The following PAX7 variants were observed in gnomAD, a reference collection of about 807,000 sequenced individuals.
The protein encoded by PAX7 is paired box 7.
PAX7 carries 18 observed loss-of-function variants against 50.7 expected under a neutral mutation model. That is an observed-to-expected ratio of 0.36 (90% CI 0.25 to 0.53). The LOEUF is 0.53. PAX7 is among the 20% of genes least tolerant of loss of function. The probability of loss-of-function intolerance (pLI) is 0.93; values close to 1 mark genes in which losing one functional copy is unlikely to be tolerated. For missense variants in PAX7, 644 were observed against 702.9 expected (o/e 0.92, Z 0.95); for synonymous variants, 310 against 290.4 (o/e 1.07, Z -0.69).
chr1:18,663,169 G>A lies in PAX7; in HGVS notation c.586+26798G>A, dbSNP rs962977041. ...ATTTTCCGGAGGCTGGTTCCTTCTC[G>A]ACACCTCGCCAGTGATGGGTTTTAC... On this transcript the variant is annotated intron_variant, in intron 4 of 8. Coordinates refer to ENST00000420770, the MANE Select transcript of PAX7 (RefSeq NM_001135254.2). Among the ~76,000 whole-genome samples, 6 of 152,210 alleles carry A rather than the reference G, an allele frequency of 3.9e-5. No homozygotes were observed. In the South Asian group the frequency reaches 8.3e-4, roughly 21 times the overall value.
At chr1:18,701,886 C>T (rs564956187) in intron 6 of PAX7, among the ~76,000 whole-genome samples, 2 of 152,202 alleles carry the variant, frequency 1.3e-5, no homozygotes, top group South Asian at 4.2e-4. Flanking sequence ...ATCAGGGGGC[C>T]TTGGGAGAGG....
At chr1:18,661,888 T>A (rs1338316141) in intron 4 of PAX7, among the ~76,000 whole-genome samples, 2 of 152,252 alleles carry the variant, frequency 1.3e-5, no homozygotes, top group Non-Finnish European at 2.9e-5. Flanking sequence ...GTTAAGCGGC[T>A]GCCTGTTTGT....
chr1:18,642,519 C>G (rs1229465839), intron 4 of PAX7, among the ~76,000 whole-genome samples: 1 of 152,190 alleles, frequency 6.6e-6, no homozygotes, highest in African/African-American at 2.4e-5. Flanking sequence ...AAAAATAGCT[C>G]TTCTCTCCCT....
chr1:18,703,313 C>T lies in PAX7; in HGVS notation c.1155+17C>T. On this transcript the variant is annotated intron_variant, in intron 7 of 8. Transcript: ENST00000420770. Reference sequence around the variant, plus strand: ...TCTCCTCAGGTAGGTGGTCTCAGCCCAGCACCCAGGATCCCACCGCCACGA... The same window carrying T: ...TCTCCTCAGGTAGGTGGTCTCAGCCTAGCACCCAGGATCCCACCGCCACGA... 2 of 1,610,502 alleles carry T rather than the reference C, an allele frequency of 1.2e-6. No homozygotes were observed. Among genetic ancestry groups the T allele is most frequent in the East Asian group, 2.2e-5 (1 of 44,864 alleles).
At chr1:18,734,184 T>C (rs2089682227) in intron 7 of PAX7, among the ~76,000 whole-genome samples, 1 of 152,160 alleles carries the variant, frequency 6.6e-6, no homozygotes, top group Non-Finnish European at 1.5e-5. Flanking sequence ...GCCCGCAGCC[T>C]GCTTTCTTAC....
chr1:18,631,302 C>G lies in PAX7; in HGVS notation c.-302C>G, dbSNP rs994066780. ...CGCATCAGCCCGCACAACTTCTGGC[C>G]GAGGCCAGCCGGCAGAGGCGGACTT... is the stretch of plus-strand genomic sequence containing the variant. On this transcript the variant is annotated 5_prime_UTR_variant, in exon 1 of 9. Transcript: ENST00000420770. 2.9e-5 allele frequency: 9 copies of G among 311,670 alleles called. No individual in the cohort carries two copies. The highest frequency in any genetic ancestry group is 4.9e-5 in the East Asian group (1 of 20,414). The allele number at this position is 311,670 out of a possible 1,614,324, so 19.3% of individuals were successfully genotyped here.
chr1:18,731,670 G>A (rs889021216), intron 7 of PAX7, among the ~76,000 whole-genome samples: 1 of 152,088 alleles, frequency 6.6e-6, no homozygotes, highest in African/African-American at 2.4e-5. Context: ...ACAGGGGGTT[G>A]GATGAAATGG....
chr1:18,742,159 T>C (rs1159236410), intron 8 of PAX7, among the ~76,000 whole-genome samples: 9 of 140,582 alleles, frequency 6.4e-5, no homozygotes, highest in Middle Eastern at 3.5e-3. Flanking sequence ...TTTTTTTTTT[T>C]TTTTTTTTTT....
intron 4 of PAX7, among the ~76,000 whole-genome samples, chr1:18,672,312 C>T (rs1022411080): frequency 5.3e-5 from 8 of 152,206 alleles, no homozygotes; most frequent in African/African-American, 1.7e-4. Flanking sequence ...CCTCTGAGAC[C>T]ACCAAGCCAT....
In PAX7 at chr1:18,646,896, G is replaced by C. The variant is rs553890215; in HGVS notation, c.586+10525G>C. Among the ~76,000 whole-genome samples, 187 of 148,486 alleles carry C rather than the reference G, an allele frequency of 1.3e-3. No homozygotes were observed. The Middle Eastern group carries it at 0.014, about 11-fold the overall frequency. ...GGGCGGCGCGGGGCGGCGCGGCGCG[G>C]GGGGAGCGGCCCGCCCGCGCCCGGG... is the stretch of plus-strand genomic sequence containing the variant. On this transcript the variant is annotated intron_variant, in intron 4 of 8. Transcript: ENST00000420770.
intron 4 of PAX7, among the ~76,000 whole-genome samples, chr1:18,683,001 A>G (rs1043876698): frequency 6.6e-6 from 1 of 152,160 alleles, no homozygotes; most frequent in East Asian, 1.9e-4. Context: ...TCACCAGGAC[A>G]GGGGAGTACC....
chr1:18,697,813 C>T (rs1405276930), intron 5 of PAX7, among the ~76,000 whole-genome samples: 1 of 152,156 alleles, frequency 6.6e-6, no homozygotes, highest in African/African-American at 2.4e-5. Context: ...GCATGTCACC[C>T]CATCTGAGCT....
intron 4 of PAX7, among the ~76,000 whole-genome samples, chr1:18,679,673 C>T (rs1375726185): frequency 6.6e-6 from 1 of 152,152 alleles, no homozygotes; most frequent in African/African-American, 2.4e-5. Flanking sequence ...GCATCCAGGA[C>T]AGATTTCTGG....
intron 7 of PAX7, among the ~76,000 whole-genome samples, chr1:18,723,274 T>C (rs2089517441): frequency 6.6e-6 from 1 of 152,002 alleles, no homozygotes; most frequent in East Asian, 1.9e-4. Flanking sequence ...TAATATAGAG[T>C]TTAATGTATT....
chr1:18,727,096 A>C (rs1165736969), intron 7 of PAX7, among the ~76,000 whole-genome samples: 1 of 152,108 alleles, frequency 6.6e-6, no homozygotes, highest in African/African-American at 2.4e-5. Context: ...TACTCACAGA[A>C]ACACATAAAA....
chr1:18,640,491 G>A (rs1358927683), intron 4 of PAX7, among the ~76,000 whole-genome samples: 2 of 151,492 alleles, frequency 1.3e-5, no homozygotes, highest in East Asian at 3.9e-4. Context: ...GGCGGAGAGG[G>A]ACAGGAGCCT....
At chr1:18,701,925 G>A (rs1482815460) in intron 6 of PAX7, among the ~76,000 whole-genome samples, 1 of 152,146 alleles carries the variant, frequency 6.6e-6, no homozygotes, top group Non-Finnish European at 1.5e-5. Flanking sequence ...CAGGAGAGAA[G>A]GTGAGCCTTG....
At chr1:18,645,662 T>C (rs1448077050) in intron 4 of PAX7, among the ~76,000 whole-genome samples, 1 of 152,182 alleles carries the variant, frequency 6.6e-6, no homozygotes, top group Non-Finnish European at 1.5e-5. Flanking sequence ...CGTGTGTGTG[T>C]TTGTGCGGTG....
At chr1:18,676,820 T>C (rs1260447640) in intron 4 of PAX7, among the ~76,000 whole-genome samples, 1 of 152,210 alleles carries the variant, frequency 6.6e-6, no homozygotes, top group Non-Finnish European at 1.5e-5. Flanking sequence ...TGCCTGGCAC[T>C]GTCCTGAACC....
Sources: allele counts gnomAD v4.1 joint callset (sites outside exome capture counted in the v4.1 genomes callset), GRCh38; gene constraint gnomAD v4.1.1; transcripts MANE v1.5; gene names NCBI Gene and HGNC (gene_info 2026-07-23, HGNC 2026-07-21).